CCDC148: variants seen among roughly 807,000 people sequenced by gnomAD.
The protein encoded by CCDC148 is coiled-coil domain containing 148, also known as coiled-coil domain-containing protein 148.
CCDC148 carries 89 observed loss-of-function variants against 85.7 expected under a neutral mutation model. The observed-to-expected ratio is 1.04, with a 90% confidence interval of 0.87 to 1.24. CCDC148 has a LOEUF of 1.24. Ranked by LOEUF, CCDC148 falls within the 50% of genes most tolerant of loss-of-function variation. The pLI, the probability that CCDC148 is intolerant of heterozygous loss-of-function variation, is 0.00. For missense variants in CCDC148, 692 were observed against 671.7 expected (o/e 1.03, Z -0.33); for synonymous variants, 230 against 213.9 (o/e 1.08, Z -0.66).
At chr2:158,360,256 A>G (rs536531579) in intron 1 of CCDC148, among the ~76,000 whole-genome samples, 1 of 152,324 alleles carries the variant, frequency 6.6e-6, no homozygotes, top group Admixed American at 6.5e-5. Flanking sequence ...CAGCTTCAGC[A>G]AACTTAGACG....
At chr2:158,309,384 G>T (rs1691858420) in intron 9 of CCDC148, 49 bp downstream of exon 9, 3 of 1,465,746 alleles carry the variant, frequency 2.0e-6, no homozygotes, top group Admixed American at 4.1e-5. Flanking sequence ...GGGAAAAATG[G>T]ATTCTTAAAT....
At chr2:158,340,120 A>T (rs1682600136) in intron 5 of CCDC148, 122 bp downstream of exon 5, 2 of 697,630 alleles carry the variant, frequency 2.9e-6, no homozygotes, top group African/African-American at 3.6e-5. Flanking sequence ...CTATTTAAAT[A>T]TTATTTATGT....
intron 9 of CCDC148, among the ~76,000 whole-genome samples, chr2:158,292,327 C>A (rs796195118): frequency 6.6e-6 from 1 of 152,084 alleles, no homozygotes; most frequent in Non-Finnish European, 1.5e-5. Context: ...AAGCAGGCAC[C>A]GGGTTCAGAG....
At chr2:158,358,356 G>T (rs1035682831) in intron 2 of CCDC148, 93 bp downstream of exon 2, 1 of 1,428,530 alleles carries the variant, frequency 7.0e-7, no homozygotes, top group Non-Finnish European at 9.5e-7. Flanking sequence ...CAACTATTTG[G>T]AATGTCATTT....
chr2:158,358,408 T>C (rs754042532), intron 2 of CCDC148, 41 bp downstream of exon 2: 1 of 1,581,804 alleles, frequency 6.3e-7, no homozygotes, highest in Non-Finnish European at 8.5e-7. Context: ...GCAATTCGAT[T>C]TTCTAAAACT....
Position 158,336,075 on chromosome 2 carries a change from T to C in CCDC148, c.764+2651A>G, listed in dbSNP as rs112978293. Among the ~76,000 whole-genome samples, 412 of 152,260 alleles carry C rather than the reference T, an allele frequency of 2.7e-3. 1 individual carries two copies. Among genetic ancestry groups the C allele is most frequent in the African/African-American group, 9.4e-3 (391 of 41,558 alleles). ...TAGCAGTGCACAACTGTCTAAACTA[T>C]GCACACACTTCCACATACATGAACA... is the stretch of plus-strand genomic sequence containing the variant. On this transcript the variant is annotated intron_variant, in intron 7 of 13. Transcript: ENST00000283233.
At chr2:158,356,518 A>G (rs1683645839) in intron 2 of CCDC148, among the ~76,000 whole-genome samples, 1 of 152,174 alleles carries the variant, frequency 6.6e-6, no homozygotes, top group Non-Finnish European at 1.5e-5. Flanking sequence ...ATGCAAATCA[A>G]AACTACAATG....
At chr2:158,321,038 G>A (rs868108169) in intron 7 of CCDC148, among the ~76,000 whole-genome samples, 2 of 151,964 alleles carry the variant, frequency 1.3e-5, no homozygotes, top group South Asian at 2.1e-4. Context: ...GTTTTTGAGG[G>A]TATCCTGCAG....
intron 1 of CCDC148, among the ~76,000 whole-genome samples, chr2:158,434,484 G>A (rs72927508): frequency 0.17 from 25,332 of 152,064 alleles, 2,277 homozygotes; most frequent in Middle Eastern, 0.21. Flanking sequence ...CACCATCATA[G>A]AAGACCAAAG....
chr2:158,405,551 G>A (rs1204279556), intron 1 of CCDC148, among the ~76,000 whole-genome samples: 1 of 145,188 alleles, frequency 6.9e-6, no homozygotes, highest in Non-Finnish European at 1.6e-5. Flanking sequence ...CGCTGAATTT[G>A]CAAAAGAAGA....
intron 1 of CCDC148, among the ~76,000 whole-genome samples, chr2:158,410,818 T>C (rs1686226372): frequency 1.3e-5 from 2 of 152,188 alleles, no homozygotes; most frequent in Admixed American, 1.3e-4. Flanking sequence ...TTTCATATGC[T>C]TTTATGTGTC....
chr2:158,353,530 T>C (rs1056468445), intron 2 of CCDC148, among the ~76,000 whole-genome samples: 1 of 151,692 alleles, frequency 6.6e-6, no homozygotes, highest in Non-Finnish European at 1.5e-5. Context: ...GAGCTAACTA[T>C]CCTAAATATA....
chr2:158,346,417 C>T (rs73968924), intron 2 of CCDC148, among the ~76,000 whole-genome samples: 7,086 of 152,258 alleles, frequency 0.047, 251 homozygotes, highest in East Asian at 0.16. Context: ...AGGAATTTGG[C>T]ATGGCCTTGC....
intron 7 of CCDC148, among the ~76,000 whole-genome samples, chr2:158,316,930 G>A (rs1397703357): frequency 1.3e-5 from 2 of 152,162 alleles, no homozygotes; most frequent in Non-Finnish European, 2.9e-5. Flanking sequence ...ATTTCCAAGT[G>A]TAAATGTGGA....
intron 1 of CCDC148, chr2:158,365,988 AAC>A: frequency 6.8e-7 from 1 of 1,460,438 alleles, no homozygotes; most frequent in South Asian, 1.3e-5. Flanking sequence ...TAAATAATAA[AAC>A]AGAGTTGGAA....
rs112665343 is a variant in CCDC148, at chr2:158,456,428, A to G, written c.12T>C (p.Ala4=). Residue 4 remains alanine (A), a synonymous_variant, in exon 1 of 14, where the codon GCT becomes GCC. Coordinates refer to ENST00000283233, the MANE Select transcript of CCDC148 (RefSeq NM_138803.4). ...GTGCAAACTCACCTGGAGAAGCAGA[A>G]GCTGCACACATGTCAAAGGTCAAAG... MCA[A]SASPDNLVFH... 5.0e-6 allele frequency: 8 copies of G among 1,611,864 alleles called. No homozygotes were observed. Among genetic ancestry groups the G allele is most frequent in the Non-Finnish European group, 6.8e-6 (8 of 1,179,174 alleles).
chr2:158,186,084 G>C (rs756307018), intron 11 of CCDC148, among the ~76,000 whole-genome samples: 16 of 151,568 alleles, frequency 1.1e-4, no homozygotes, highest in Non-Finnish European at 1.8e-4. Flanking sequence ...CTGCAGAGAG[G>C]AGGCTGAGTT....
intron 11 of CCDC148, among the ~76,000 whole-genome samples, chr2:158,211,493 A>G (rs1307815842): frequency 6.6e-6 from 1 of 152,246 alleles, no homozygotes; most frequent in African/African-American, 2.4e-5. Flanking sequence ...CCAGACACAT[A>G]CCTGCTGACA....
intron 1 of CCDC148, among the ~76,000 whole-genome samples, chr2:158,359,514 G>T (rs1683831979): frequency 6.6e-6 from 1 of 152,128 alleles, no homozygotes; most frequent in South Asian, 2.1e-4. Context: ...TTAGACAGTG[G>T]GTGCAGCCCA....
Sources: gnomAD v4.1 joint callset for allele counts (sites outside exome capture counted in the v4.1 genomes callset) on GRCh38, gnomAD v4.1.1 for gene constraint, MANE v1.5 for transcripts, NCBI Gene and HGNC (gene_info 2026-07-23, HGNC 2026-07-21) for gene names.